Variants in APOBEC3D observed in about 807,000 individuals in gnomAD.
APOBEC3D encodes the protein apolipoprotein B mRNA editing enzyme catalytic subunit 3D, also known as DNA dC->dU-editing enzyme APOBEC-3D.
A neutral mutation model predicts 45.6 loss-of-function variants in APOBEC3D; 37 were observed. That is an observed-to-expected ratio of 0.81 (90% CI 0.62 to 1.07). The LOEUF is 1.07. Ranked by LOEUF, APOBEC3D falls within the 50% of genes least tolerant of loss-of-function variation. The pLI is 0.00. For synonymous variants in APOBEC3D, 175 were observed against 180.7 expected, an observed-to-expected ratio of 0.97 and a Z score of 0.25; for missense variants, 496 against 495.3, an observed-to-expected ratio of 1.00 and a Z score of -0.01.
intron 1 of APOBEC3D, 63 bp from the exon 2 acceptor site, chr22:39,022,759 C>T: frequency 6.4e-7 from 1 of 1,554,288 alleles, no homozygotes. Context: ...GTTCAGTGGA[C>T]ATGAGCCCCG....
intron 4 of APOBEC3D, among the ~76,000 whole-genome samples, chr22:39,029,119 G>T (rs1198859847): frequency 6.6e-6 from 1 of 152,110 alleles, no homozygotes; most frequent in Non-Finnish European, 1.5e-5. Flanking sequence ...GAGGTTGAGG[G>T]TGTCCCATTG....
Position 39,031,626 on chromosome 22 carries a change from GC to G in APOBEC3D, c.763-64del. ...TTCAGGCCTGCCCTCTTCTCCCATC[GC>G]CCCACCCCTACACTCCTCCTGCTCC... On this transcript the variant is annotated intron_variant, in intron 5 of 6. Coordinates refer to ENST00000216099, the MANE Select transcript of APOBEC3D (RefSeq NM_152426.4). 2 of 1,584,832 alleles carry G rather than the reference GC, an allele frequency of 1.3e-6. 1 individual carries two copies. The highest frequency in any genetic ancestry group is 1.7e-6 in the Non-Finnish European group (2 of 1,160,114).
intron 1 of APOBEC3D, 65 bp downstream of exon 1, chr22:39,021,601 C>G (rs1370244333): frequency 1.2e-6 from 2 of 1,610,082 alleles, no homozygotes; most frequent in East Asian, 4.5e-5. Flanking sequence ...CCTGCTGGGC[C>G]TCAGCCCTGG....
At chr22:39,024,090 A>G (rs1253444010) in intron 2 of APOBEC3D, among the ~76,000 whole-genome samples, 2 of 152,228 alleles carry the variant, frequency 1.3e-5, no homozygotes, top group East Asian at 3.8e-4. Context: ...AGGCGACAAG[A>G]ACCGGTGAAA....
At chr22:39,025,952 C>T (rs1378190727) in intron 4 of APOBEC3D, among the ~76,000 whole-genome samples, 2 of 152,180 alleles carry the variant, frequency 1.3e-5, no homozygotes, top group African/African-American at 4.8e-5. Context: ...CAACCTGGCT[C>T]CTTCTATCTC....
Position 39,032,325 on chromosome 22 carries a change from C to T in APOBEC3D, c.*9C>T. 2 of 1,613,630 alleles carry T rather than the reference C, an allele frequency of 1.2e-6. No individual in the cohort carries two copies. The highest frequency in any genetic ancestry group is 3.3e-4 in the Middle Eastern group (2 of 6,050). ...GGGAGATTCTCCAGTGAGGGGTCTC[C>T]CTGGGCCTCATGGTCTGTCTCTTCT... On this transcript the variant is annotated 3_prime_UTR_variant, in exon 7 of 7. Coordinates refer to ENST00000216099, the MANE Select transcript of APOBEC3D (RefSeq NM_152426.4).
At chr22:39,026,665 T>C (rs1191218259) in intron 4 of APOBEC3D, among the ~76,000 whole-genome samples, 1 of 151,864 alleles carries the variant, frequency 6.6e-6, no homozygotes, top group African/African-American at 2.4e-5. Flanking sequence ...CTCACGCCTG[T>C]CCCTTCTCAA....
At chr22:39,032,060 G>T in intron 6 of APOBEC3D, 87 bp downstream of exon 6, 12 of 1,591,740 alleles carry the variant, frequency 7.5e-6, no homozygotes, top group Non-Finnish European at 1.0e-5. Flanking sequence ...GCGGGGCAGT[G>T]TCCCCGGGAA....
chr22:39,031,114 T>G (rs986106278), intron 5 of APOBEC3D, among the ~76,000 whole-genome samples: 4 of 151,808 alleles, frequency 2.6e-5, no homozygotes, highest in African/African-American at 9.7e-5. Context: ...TGTGGTGAGC[T>G]GAGATCGTGC....
intron 4 of APOBEC3D, 111 bp downstream of exon 4, chr22:39,025,782 C>T (rs1925595002): frequency 1.3e-6 from 2 of 1,577,142 alleles, no homozygotes; most frequent in Non-Finnish European, 1.7e-6. Context: ...CCCTGCCTGC[C>T]CTCATGGTTA....
Position 39,025,098 on chromosome 22 carries a change from A to G in APOBEC3D, c.239A>G (p.Glu80Gly). 2 of 1,603,522 alleles carry G rather than the reference A, an allele frequency of 1.2e-6. No individual in the cohort carries two copies. Among genetic ancestry groups the G allele is most frequent in the Non-Finnish European group, 8.5e-7 (1 of 1,173,724 alleles). ...TATTTCCGGTTTGAGAACCACGCAG[A>G]AATGTGCTTCTTATCTTGGTTCTGT... is the stretch of plus-strand genomic sequence containing the variant. Reference protein sequence around the residue: ...EVYFRFENHAEMCFLSWFCGN... With the variant: ...EVYFRFENHAGMCFLSWFCGN... The change falls in exon 3 of 7, where the codon GAA (glutamate) becomes GGA (glycine). Residue 80 changes from glutamate (E) to glycine (G), a missense_variant. By Grantham distance (98) the Glu-to-Gly change is moderately conservative. Transcript: ENST00000216099.
At chr22:39,031,554 G>T in intron 5 of APOBEC3D, 140 bp from the exon 6 acceptor site, 1 of 1,311,960 alleles carries the variant, frequency 7.6e-7, no homozygotes, top group South Asian at 1.4e-5. Flanking sequence ...TGGGCAACAG[G>T]AGAGACCCTG....
intron 6 of APOBEC3D, 80 bp downstream of exon 6, chr22:39,032,053 G>A: frequency 6.3e-7 from 1 of 1,595,972 alleles, no homozygotes; most frequent in Non-Finnish European, 8.6e-7. Context: ...CCGTGGGGCG[G>A]GGCAGTGTCC....
chr22:39,030,455 C>A (rs192419890), intron 5 of APOBEC3D, among the ~76,000 whole-genome samples: 1 of 152,206 alleles, frequency 6.6e-6, no homozygotes, highest in Non-Finnish European at 1.5e-5. Flanking sequence ...GCTAAAAAGG[C>A]GATAAGAACT....
chr22:39,022,267 C>G (rs571457120), intron 1 of APOBEC3D, among the ~76,000 whole-genome samples: 4 of 152,244 alleles, frequency 2.6e-5, no homozygotes, highest in Non-Finnish European at 5.9e-5. Flanking sequence ...GTCCCCAGCT[C>G]TGTGGCCTGG....
chr22:39,032,370 A>G lies in APOBEC3D; in HGVS notation c.*54A>G, dbSNP rs906259794. On this transcript the variant is annotated 3_prime_UTR_variant, in exon 7 of 7. Transcript: ENST00000216099. ...TCTTCTAGCCTCCTGCTCATGCTGCACGGGCCTCCCCTCCATCCTGCACCA... is the reference window on the plus strand; with the variant it reads ...TCTTCTAGCCTCCTGCTCATGCTGCGCGGGCCTCCCCTCCATCCTGCACCA... The G allele has an allele frequency of 6.2e-7, 1 of 1,602,562 alleles. No individual in the cohort carries two copies. The highest frequency in any genetic ancestry group is 1.7e-5 in the Admixed American group (1 of 58,754).
At chr22:39,029,637 C>CT in intron 5 of APOBEC3D, 118 bp downstream of exon 5, 2 of 1,112,632 alleles carry the variant, frequency 1.8e-6, no homozygotes, top group South Asian at 1.8e-5. Context: ...TCTTACATTT[C>CT]TTTCTTTTTT....
intron 4 of APOBEC3D, 131 bp downstream of exon 4, chr22:39,025,802 A>C (rs1925598447): frequency 3.3e-6 from 5 of 1,520,326 alleles, no homozygotes; most frequent in African/African-American, 1.5e-5. Flanking sequence ...ACACCCCCTC[A>C]CCCACACTCC....
chr22:39,032,387 C>A lies in APOBEC3D; in HGVS notation c.*71C>A. On this transcript the variant is annotated 3_prime_UTR_variant, in exon 7 of 7. Coordinates refer to ENST00000216099, the MANE Select transcript of APOBEC3D (RefSeq NM_152426.4). The stretch of plus-strand genomic sequence containing the variant: ...CATGCTGCACGGGCCTCCCCTCCAT[C>A]CTGCACCAGCTGTGCTTTTGCCTGG... 5 of 1,583,750 alleles carry A rather than the reference C, an allele frequency of 3.2e-6. No homozygotes were observed. The highest frequency in any genetic ancestry group is 2.2e-5 in the East Asian group (1 of 44,656).
Sources: allele counts gnomAD v4.1 joint callset (sites outside exome capture counted in the v4.1 genomes callset), GRCh38; gene constraint gnomAD v4.1.1; transcripts MANE v1.5; gene names NCBI Gene and HGNC (gene_info 2026-07-23, HGNC 2026-07-21).